The following CFAP74 variants were observed in gnomAD, a reference collection of about 807,000 sequenced individuals.
CFAP74 encodes cilia and flagella associated protein 74, also known as cilia- and flagella-associated protein 74.
In CFAP74, 124 loss-of-function variants were observed where a neutral mutation model predicts 188.9. The observed-to-expected ratio is 0.66, with a 90% confidence interval of 0.57 to 0.76. CFAP74 has a LOEUF of 0.76. CFAP74 is among the 30% of genes least tolerant of loss of function. CFAP74 has a pLI of 0.00. For synonymous variants in CFAP74, 956 were observed against 916.7 expected (o/e 1.04, Z -0.77); for missense variants, 2,198 against 2,165.2 (o/e 1.02, Z -0.30).
intron 8 of CFAP74, among the ~76,000 whole-genome samples, chr1:1,972,451 C>A (rs998787270): frequency 6.6e-6 from 1 of 152,250 alleles, no homozygotes; most frequent in Non-Finnish European, 1.5e-5. Flanking sequence ...ATGGCGGGAA[C>A]ACGCCCAGCG....
At chr1:1,943,946 G>A (rs1013194799) in intron 21 of CFAP74, among the ~76,000 whole-genome samples, 1 of 152,138 alleles carries the variant, frequency 6.6e-6, no homozygotes, top group Admixed American at 6.5e-5. Context: ...CTTGGAAGCC[G>A]ACAGTGCAGT....
intron 18 of CFAP74, among the ~76,000 whole-genome samples, chr1:1,950,917 C>CG (rs913671337): frequency 8.6e-5 from 13 of 151,846 alleles, no homozygotes; most frequent in East Asian, 5.8e-4. Flanking sequence ...GTGTTTTTTT[C>CG]GGGGGGGAAT....
At chr1:1,943,539 G>C (rs1450129489) in intron 21 of CFAP74, among the ~76,000 whole-genome samples, 2 of 152,234 alleles carry the variant, frequency 1.3e-5, no homozygotes, top group African/African-American at 4.8e-5. Flanking sequence ...AACCCCGCAG[G>C]CCCAGCCTCG....
rs1207761917 is a variant in CFAP74, at chr1:1,968,078, G to A, written c.1245+557C>T. ...TGAGTGAGTGAATGAATGAGTGAAT[G>A]AGTAAAGAGTGAATGAGTGAATGAA... On this transcript the variant is annotated intron_variant, in intron 11 of 38. Coordinates refer to ENST00000682832, the MANE Select transcript of CFAP74 (RefSeq NM_001304360.2). This position sits in a 1 kb window ranked among gnomAD's most constrained non-coding sequence, Gnocchi z 4.3. Among the ~76,000 whole-genome samples, 2 of 152,124 alleles carry A rather than the reference G, an allele frequency of 1.3e-5. No individual in the cohort carries two copies. The highest frequency in any genetic ancestry group is 4.8e-5 in the African/African-American group (2 of 41,416).
chr1:1,972,989 C>T lies in CFAP74; in HGVS notation c.733G>A (p.Ala245Thr), dbSNP rs375363627. ...ACGGCAACCTTGTGGTTCTTCCGGG[C>T]GTCCTCCAGCAGCTTCTGGTGCCTG... ...GLRHQKLLED[A>T]RKNHKVAVRF... Residue 245 changes from alanine to threonine, a missense_variant, in exon 8 of 39, where the codon GCC becomes ACC. Transcript: ENST00000682832. The T allele has an allele frequency of 3.1e-6, 5 of 1,614,006 alleles. No homozygotes were observed. Among genetic ancestry groups the T allele is most frequent in the Admixed American group, 1.7e-5 (1 of 60,024 alleles).
At chr1:1,998,240 T>C (rs1156797625) in intron 1 of CFAP74, among the ~76,000 whole-genome samples, 1 of 152,166 alleles carries the variant, frequency 6.6e-6, no homozygotes, top group Non-Finnish European at 1.5e-5. Context: ...ATCGTGCCAT[T>C]GCACTCCAGC....
In CFAP74 at chr1:1,973,067, T is replaced by C. The variant is rs1228525461; in HGVS notation, c.675-20A>G. The stretch of plus-strand genomic sequence containing the variant: ...GACTTCCTGTGGGGATATGGGGCCG[T>C]CAGAGGGAAACTCGGCATCACACGT... On this transcript the variant is annotated intron_variant, in intron 7 of 38. Transcript: ENST00000682832. The surrounding 1 kb of genome is among the most constrained non-coding windows in gnomAD (Gnocchi z 6.2). 2 of 1,579,386 alleles carry C rather than the reference T, an allele frequency of 1.3e-6. No individual in the cohort carries two copies. The highest frequency in any genetic ancestry group is 1.7e-6 in the Non-Finnish European group (2 of 1,150,718).
At chr1:1,939,891 C>G (rs762016160) in intron 23 of CFAP74, 124 bp from the exon 24 acceptor site, 3 of 942,554 alleles carry the variant, frequency 3.2e-6, no homozygotes, top group Non-Finnish European at 1.6e-6. Context: ...CAGGACACGA[C>G]GAGGCCGTCT....
At chr1:1,961,717 C>T (rs1453101624) in intron 14 of CFAP74, among the ~76,000 whole-genome samples, 1 of 152,184 alleles carries the variant, frequency 6.6e-6, no homozygotes, top group Non-Finnish European at 1.5e-5. Context: ...GAAAAGTAAA[C>T]ACCAACCTCC....
intron 17 of CFAP74, among the ~76,000 whole-genome samples, chr1:1,956,268 A>G (rs2102061644): frequency 1.3e-5 from 2 of 152,266 alleles, no homozygotes; most frequent in South Asian, 4.1e-4. Context: ...GTGGCCATGG[A>G]GTGCACCTGT....
At position 1,972,280 on chromosome 1, in the gene CFAP74, G is replaced by T. The variant is rs529837539; in HGVS notation, c.786-198C>A. Among the ~76,000 whole-genome samples the T allele has an allele frequency of 2.4e-4, 36 of 152,326 alleles. No homozygotes were observed. In the East Asian group the frequency reaches 5.8e-3, roughly 25 times the overall value. On this transcript the variant is annotated intron_variant, in intron 8 of 38. Coordinates refer to ENST00000682832, the MANE Select transcript of CFAP74 (RefSeq NM_001304360.2). ...ACCGAGGAAGTGACACAGCGATGCC[G>T]TGTGGGGTGTTAATTACAGGAGCCT... is the stretch of plus-strand genomic sequence containing the variant.
chr1:1,943,513 G>T (rs1653532652), intron 21 of CFAP74, among the ~76,000 whole-genome samples: 2 of 152,252 alleles, frequency 1.3e-5, no homozygotes, highest in Non-Finnish European at 2.9e-5. Flanking sequence ...TGGTGGCACA[G>T]GGGCTCCGTC....
intron 14 of CFAP74, 29 bp downstream of exon 14, chr1:1,963,720 G>T: frequency 6.9e-7 from 1 of 1,442,072 alleles, no homozygotes; most frequent in Non-Finnish European, 9.7e-7. Flanking sequence ...CCTGCACCGC[G>T]TCCCTCCCTG....
chr1:1,964,907 G>C lies in CFAP74; in HGVS notation c.1556C>G (p.Pro519Arg), dbSNP rs200040017. ...EFQGRPFNSK[P>R]ELLHFQDFDI... ...GCTCACCTGGAAGTGGAGGAGCTCC[G>C]GTTTGCTGTTGAAGGGGCGTCCTTG... Residue 519 changes from proline (P) to arginine (R), a missense_variant, in exon 13 of 39, where the codon CCG (proline) becomes CGG (arginine). Pro to Arg is a moderately radical substitution (Grantham distance 103). Transcript: ENST00000682832. 354 of 1,613,766 alleles carry C rather than the reference G, an allele frequency of 2.2e-4. 5 individuals are homozygous for C. The South Asian group carries it at 3.6e-3, about 16-fold the overall frequency.
At chr1:1,939,853 C>T in intron 23 of CFAP74, 86 bp from the exon 24 acceptor site, 1 of 1,317,212 alleles carries the variant, frequency 7.6e-7, no homozygotes, top group Non-Finnish European at 1.0e-6. Context: ...ACCACTGCTG[C>T]TGCCTTGTGG....
intron 6 of CFAP74, among the ~76,000 whole-genome samples, chr1:1,982,078 T>G (rs61776988): frequency 1.7e-4 from 3 of 18,088 alleles, no homozygotes; most frequent in Admixed American, 1.0e-3. Flanking sequence ...CGTGGTCACA[T>G]GCGGGGACAC....
At chr1:1,925,147 G>T in intron 33 of CFAP74, among the ~76,000 whole-genome samples, 1 of 147,034 alleles carries the variant, frequency 6.8e-6, no homozygotes, top group East Asian at 2.0e-4. Flanking sequence ...GGCACGCAGG[G>T]CAGGGCGAAG....
intron 10 of CFAP74, among the ~76,000 whole-genome samples, chr1:1,969,294 TTCCCAGCCC>T (rs1655740057): frequency 1.1e-5 from 1 of 91,784 alleles, no homozygotes; most frequent in Non-Finnish European, 2.1e-5. Flanking sequence ...AGCCCAGGCC[TTCCCAGCCC>T]AGCCCTGCAC....
chr1:1,943,173 G>C (rs1168037540), intron 21 of CFAP74, among the ~76,000 whole-genome samples: 1 of 152,164 alleles, frequency 6.6e-6, no homozygotes, highest in Non-Finnish European at 1.5e-5. Flanking sequence ...ACCACAGCCG[G>C]AGACCATCCA....
Sources: allele counts gnomAD v4.1 joint callset (sites outside exome capture counted in the v4.1 genomes callset), GRCh38; gene constraint gnomAD v4.1.1; non-coding constraint Gnocchi (gnomAD v3.1); transcripts MANE v1.5; gene names NCBI Gene and HGNC (gene_info 2026-07-23, HGNC 2026-07-21).